RBM26: variants seen among roughly 807,000 people sequenced by gnomAD.
RBM26 encodes RNA binding motif protein 26.
Under a neutral mutation model 123.6 loss-of-function variants are expected in RBM26, and 30 were observed. The observed-to-expected ratio is 0.24, with a 90% CI of 0.18 to 0.33. RBM26 has a LOEUF of 0.33. RBM26 is among the 10% of genes least tolerant of loss of function. The pLI, the probability that RBM26 is intolerant of heterozygous loss-of-function variation, is 1.00. For synonymous variants in RBM26, 400 were observed against 404.4 expected, an observed-to-expected ratio of 0.99 and a Z score of 0.13; for missense variants, 947 against 1,203.6, an observed-to-expected ratio of 0.79 and a Z score of 3.15.
downstream of RBM26, among the ~76,000 whole-genome samples, chr13:79,316,192 G>GGGGTGTGTGTGTGT: frequency 7.0e-6 from 1 of 141,998 alleles, no homozygotes. Flanking sequence ...AAGTGGGGCA[G>GGGGTGTGTGTGTGT]GTGTGTGTGT....
At position 79,405,922 on chromosome 13, in the gene RBM26, G is replaced by T; in HGVS notation, c.-148C>A. 2.7e-6 allele frequency: 1 copy of T among 369,418 alleles called. No individual in the cohort carries two copies. The highest frequency in any genetic ancestry group is 4.7e-6 in the Non-Finnish European group (1 of 212,582). The allele number at this position is 369,418 out of a possible 1,614,324, so 22.9% of individuals were successfully genotyped here. On this transcript the variant is annotated 5_prime_UTR_variant, in exon 1 of 22. Coordinates refer to ENST00000438737, the MANE Select transcript of RBM26 (RefSeq NM_001366735.2). ...TGGCAGGTTCCCGCGGGCCCCGGTC[G>T]GCGAACAGCTCTGCAAGGACCGCCG...
chr13:79,377,456 G>C lies in RBM26; in HGVS notation c.250C>G (p.Pro84Ala). Residue 84 changes from proline to alanine, a missense_variant, in exon 3 of 22, where the codon CCT (proline) becomes GCT (alanine). By Grantham distance (27) the Pro-to-Ala change is conservative. This residue lies in a region of RBM26 where 275 missense variants were observed against 361.0 expected (regional missense o/e 0.76). Coordinates refer to ENST00000438737, the MANE Select transcript of RBM26 (RefSeq NM_001366735.2). ...DAVNTKSYLP[P>A]PEQPSSGSLK... ...CTTCCTGATGATGGCTGCTCTGGAG[G>C]AGGTAGGTAACTCTTTGTATTCACA... is the stretch of plus-strand genomic sequence containing the variant. 1 of 1,612,798 alleles carries C rather than the reference G, an allele frequency of 6.2e-7. No individual in the cohort carries two copies. The highest frequency in any genetic ancestry group is 8.5e-7 in the Non-Finnish European group (1 of 1,178,830).
chr13:79,397,880 T>A (rs1594756091), intron 1 of RBM26, among the ~76,000 whole-genome samples: 1 of 151,428 alleles, frequency 6.6e-6, no homozygotes, highest in African/African-American at 2.4e-5. Flanking sequence ...AATCAGAAAA[T>A]CAAAATTTTA....
intron 14 of RBM26, among the ~76,000 whole-genome samples, chr13:79,346,311 T>C (rs1470754408): frequency 6.6e-6 from 1 of 152,178 alleles, no homozygotes; most frequent in Non-Finnish European, 1.5e-5. Flanking sequence ...ATTGTACTAG[T>C]TTCATACAGT....
rs1245767046 is a variant in RBM26 at position 79,353,201 on chromosome 13, C to T, written c.2010G>A (p.Lys670=). ...GCTTTGATACAAAACCCAACCTGTC[C>T]TTCACAGATAACTTAGTTACATTCT... ...LPQNVTKLSV[K]DRLGFVSKPS... is the part of the protein sequence containing the mutation. The change falls in exon 14 of 22, where the codon AAG becomes AAA. Residue 670 remains lysine, a synonymous_variant. Transcript: ENST00000438737. The T allele has an allele frequency of 3.2e-6, 5 of 1,586,858 alleles. No homozygotes were observed. The highest frequency in any genetic ancestry group is 1.3e-5 in the African/African-American group (1 of 74,460).
intron 16 of RBM26, among the ~76,000 whole-genome samples, chr13:79,343,988 T>G (rs1358320312): frequency 1.3e-5 from 2 of 151,982 alleles, no homozygotes; most frequent in African/African-American, 4.8e-5. Flanking sequence ...TTCCATTTAA[T>G]TATCTGTTGA....
At chr13:79,378,726 C>G in intron 2 of RBM26, 63 bp downstream of exon 2, 2 of 1,009,136 alleles carry the variant, frequency 2.0e-6, no homozygotes, top group Non-Finnish European at 3.0e-6. Flanking sequence ...AGGCGTGAGC[C>G]ACCATGCCAA....
intron 19 of RBM26, 117 bp downstream of exon 19, chr13:79,336,985 T>C: frequency 2.1e-6 from 2 of 931,442 alleles, no homozygotes; most frequent in South Asian, 1.6e-5. Context: ...TTAAACTCTT[T>C]GTTCAGATTA....
intron 1 of RBM26, among the ~76,000 whole-genome samples, chr13:79,397,945 T>C (rs888554421): frequency 7.9e-5 from 12 of 152,156 alleles, no homozygotes; most frequent in African/African-American, 2.9e-4. Context: ...TGCTTCTACA[T>C]AGGTAAAATA....
intron 14 of RBM26, among the ~76,000 whole-genome samples, chr13:79,351,598 G>A (rs2073227428): frequency 4.7e-5 from 1 of 21,258 alleles, no homozygotes; most frequent in Non-Finnish European, 2.1e-4. Context: ...AATTTAGTTG[G>A]GGCGGCGGGG....
chr13:79,355,479 A>C, intron 11 of RBM26, 95 bp from the exon 12 acceptor site: 1 of 887,592 alleles, frequency 1.1e-6, no homozygotes, highest in Non-Finnish European at 1.7e-6. Context: ...GGTCCTTCCA[A>C]GTAAGATTCT....
At chr13:79,402,320 T>C (rs1315544926) in intron 1 of RBM26, among the ~76,000 whole-genome samples, 2 of 152,134 alleles carry the variant, frequency 1.3e-5, no homozygotes, top group East Asian at 1.9e-4. Flanking sequence ...GAAAAAGACA[T>C]TGAAAATTAT....
At chr13:79,372,013 G>A (rs939533275) in intron 3 of RBM26, 83 bp from the exon 4 acceptor site, 8 of 991,052 alleles carry the variant, frequency 8.1e-6, no homozygotes, top group African/African-American at 1.6e-5. Flanking sequence ...GGGCACAGTG[G>A]TTCATGCCTG....
rs762937790 is a variant in RBM26 at position 79,337,074 on chromosome 13, T to C, written c.2733+28A>G. 8.2e-6 allele frequency: 13 copies of C among 1,594,432 alleles called. No individual in the cohort carries two copies. The Admixed American group carries it at 1.2e-4, about 14-fold the overall frequency. ...CTATCCCCAATGATGATTATCAGCA[T>C]TTGTTTTGTTGAGCAGTAAGAAAGT... On this transcript the variant is annotated intron_variant, in intron 19 of 21. Transcript: ENST00000438737.
intron 1 of RBM26, among the ~76,000 whole-genome samples, chr13:79,381,040 GTAGT>G (rs1407807421): frequency 6.6e-6 from 1 of 152,084 alleles, no homozygotes; most frequent in Non-Finnish European, 1.5e-5. Context: ...AATAATAGCA[GTAGT>G]TAATTACTAA....
chr13:79,386,743 C>T (rs1158598266), intron 1 of RBM26, among the ~76,000 whole-genome samples: 2 of 151,724 alleles, frequency 1.3e-5, no homozygotes, highest in Non-Finnish European at 2.9e-5. Context: ...ACCCCCACTC[C>T]ATTACTCACA....
At chr13:79,378,743 A>C in intron 2 of RBM26, 46 bp downstream of exon 2, 1 of 1,240,616 alleles carries the variant, frequency 8.1e-7, no homozygotes, top group Non-Finnish European at 1.2e-6. Flanking sequence ...CCAAGCCTTA[A>C]ATAACTTTTT....
chr13:79,394,092 CCT>C (rs986245162), intron 1 of RBM26, among the ~76,000 whole-genome samples: 10 of 152,168 alleles, frequency 6.6e-5, no homozygotes, highest in South Asian at 2.1e-4. Context: ...GCAGATATCC[CCT>C]GAGATTTGTA....
intron 17 of RBM26, among the ~76,000 whole-genome samples, chr13:79,342,172 T>C (rs1485314947): frequency 6.6e-6 from 1 of 151,800 alleles, no homozygotes; most frequent in East Asian, 1.9e-4. Context: ...CATGACCTTA[T>C]ACATATATAC....
Sources: gnomAD v4.1 joint callset for allele counts (sites outside exome capture counted in the v4.1 genomes callset) on GRCh38, gnomAD v4.1.1 for gene constraint, gnomAD v4.1.1 regional missense constraint, MANE v1.5 for transcripts, NCBI Gene and HGNC (gene_info 2026-07-23, HGNC 2026-07-21) for gene names.